Variants in CACNB2 observed in about 807,000 individuals in gnomAD.
CACNB2 encodes the protein voltage-dependent L-type calcium channel subunit beta-2.
In CACNB2, 42 loss-of-function variants were observed where a neutral mutation model predicts 73.3. The observed-to-expected ratio is 0.57, with a 90% CI of 0.45 to 0.74. CACNB2 has a LOEUF of 0.74. Among genes scored for constraint, CACNB2 ranks in the 30% least tolerant of loss-of-function variants. The pLI, the probability that CACNB2 is intolerant of heterozygous loss-of-function variation, is 0.00. For missense variants in CACNB2, 940 were observed against 853.0 expected, an observed-to-expected ratio of 1.10 and a Z score of -1.27; for synonymous variants, 348 against 310.3, an observed-to-expected ratio of 1.12 and a Z score of -1.28.
At chr10:18,510,438 G>T (rs1407249000) in intron 6 of CACNB2, among the ~76,000 whole-genome samples, 1 of 152,094 alleles carries the variant, frequency 6.6e-6, no homozygotes, top group African/African-American at 2.4e-5. Flanking sequence ...AAGTAGCTGG[G>T]ATTACAGGCA....
chr10:18,321,900 C>T (rs924073114), intron 2 of CACNB2, among the ~76,000 whole-genome samples: 1 of 152,114 alleles, frequency 6.6e-6, no homozygotes, highest in Non-Finnish European at 1.5e-5. Flanking sequence ...CACCTATAAT[C>T]CCAGCATTTT....
At chr10:18,337,161 C>A (rs544199952) in intron 2 of CACNB2, among the ~76,000 whole-genome samples, 3 of 152,118 alleles carry the variant, frequency 2.0e-5, no homozygotes, top group Non-Finnish European at 2.9e-5. Flanking sequence ...CAGGGTCTCA[C>A]TCTTGTTGCC....
chr10:18,307,844 C>G (rs1293104989), intron 2 of CACNB2, among the ~76,000 whole-genome samples: 1 of 151,934 alleles, frequency 6.6e-6, no homozygotes, highest in Admixed American at 6.6e-5. Flanking sequence ...ATAATTAATT[C>G]AAACATTTGC....
intron 2 of CACNB2, among the ~76,000 whole-genome samples, chr10:18,397,838 A>G (rs2043794723): frequency 6.6e-6 from 1 of 152,236 alleles, no homozygotes; most frequent in Non-Finnish European, 1.5e-5. Context: ...TGAGAGCTCT[A>G]AGGATAAAAG....
chr10:18,391,504 C>G (rs1393554956), intron 2 of CACNB2, among the ~76,000 whole-genome samples: 1 of 152,096 alleles, frequency 6.6e-6, no homozygotes, highest in African/African-American at 2.4e-5. Flanking sequence ...ATGCCTGGCA[C>G]TATTCCAGGC....
chr10:18,527,266 C>G (rs2052565799), intron 9 of CACNB2, among the ~76,000 whole-genome samples: 1 of 152,100 alleles, frequency 6.6e-6, no homozygotes, highest in Non-Finnish European at 1.5e-5. Context: ...GTCCCAGCTA[C>G]TCCAGAGGCT....
chr10:18,144,629 C>T (rs2030776073), intron 1 of CACNB2, among the ~76,000 whole-genome samples: 1 of 152,124 alleles, frequency 6.6e-6, no homozygotes, highest in South Asian at 2.1e-4. Context: ...TGTGGCTGGT[C>T]TGAACTGATA....
chr10:18,196,378 C>T (rs890445752), intron 2 of CACNB2, among the ~76,000 whole-genome samples: 1 of 151,296 alleles, frequency 6.6e-6, no homozygotes, highest in African/African-American at 2.4e-5. Flanking sequence ...TTGCAGCAGC[C>T]TGGTCATGGC....
chr10:18,227,616 G>A (rs2036045643), intron 2 of CACNB2, among the ~76,000 whole-genome samples: 1 of 152,164 alleles, frequency 6.6e-6, no homozygotes, highest in Non-Finnish European at 1.5e-5. Flanking sequence ...ACAACAGAAA[G>A]GTGGTCTTGG....
At chr10:18,168,289 GA>G (rs2032999760) in intron 2 of CACNB2, among the ~76,000 whole-genome samples, 1 of 152,058 alleles carries the variant, frequency 6.6e-6, no homozygotes, top group South Asian at 2.1e-4. Flanking sequence ...ATAACTAAAA[GA>G]AAGCAAGCTT....
intron 2 of CACNB2, among the ~76,000 whole-genome samples, chr10:18,399,887 T>C (rs2132518186): frequency 6.6e-6 from 1 of 152,324 alleles, no homozygotes; most frequent in South Asian, 2.1e-4. Flanking sequence ...TTAGTGTCTT[T>C]CCTTCTTCAG....
intron 3 of CACNB2, among the ~76,000 whole-genome samples, chr10:18,488,875 A>T (rs534335802): frequency 1.3e-4 from 19 of 150,670 alleles, no homozygotes; most frequent in African/African-American, 4.7e-4. Context: ...CTGGGAGAAC[A>T]TATAAAAAAA....
chr10:18,238,110 C>T (rs1757235), intron 2 of CACNB2, among the ~76,000 whole-genome samples: 1 of 151,910 alleles, frequency 6.6e-6, no homozygotes. Context: ...TATGAAGGCT[C>T]TTTTCTGAAA....
chr10:18,182,308 G>C (rs1166681414), intron 2 of CACNB2, among the ~76,000 whole-genome samples: 2 of 151,414 alleles, frequency 1.3e-5, no homozygotes, highest in African/African-American at 4.9e-5. Context: ...CTGGGCAACA[G>C]AGCAAGACTC....
Position 18,498,457 on chromosome 10 carries a change from G to C in CACNB2, c.436G>C (p.Asp146His), listed in dbSNP as rs936451598. 1.2e-6 allele frequency: 2 copies of C among 1,614,102 alleles called. No individual in the cohort carries two copies. The change falls in exon 4 of 14, where the codon GAT becomes CAT. Residue 146 changes from aspartate (D) to histidine (H), a missense_variant. Physicochemically the swap from Asp to His is moderately conservative, Grantham distance 81. Coordinates refer to ENST00000324631, the MANE Select transcript of CACNB2 (RefSeq NM_201596.3). ...CATGGCCATCTCATTCGAAGCAAAAGATTTTCTGCATGTTAAGGAAGTAAG... is the reference window on the plus strand; with the variant it reads ...CATGGCCATCTCATTCGAAGCAAAACATTTTCTGCATGTTAAGGAAGTAAG... Reference protein sequence around the residue: ...PGMAISFEAKDFLHVKEKFNN... With the variant: ...PGMAISFEAKHFLHVKEKFNN...
At chr10:18,398,676 CACACACACACACACAT>C (rs761448455) in intron 2 of CACNB2, among the ~76,000 whole-genome samples, 3,350 of 130,308 alleles carry the variant, frequency 0.026, 43 homozygotes, top group African/African-American at 0.032. Context: ...GTCACACACA[CACACACACACACACAT>C]ACACACACAC....
At chr10:18,403,853 G>A (rs1399216941) in intron 3 of CACNB2, among the ~76,000 whole-genome samples, 4 of 151,312 alleles carry the variant, frequency 2.6e-5, no homozygotes, top group African/African-American at 9.7e-5. Context: ...GGGTGAGATG[G>A]GAATGGTTAA....
chr10:18,155,554 G>A (rs748321526), intron 2 of CACNB2, among the ~76,000 whole-genome samples: 3 of 152,150 alleles, frequency 2.0e-5, no homozygotes, highest in Non-Finnish European at 4.4e-5. Flanking sequence ...ACATATGTAT[G>A]CATTTTTGTT....
chr10:18,480,021 C>T (rs370308171), intron 3 of CACNB2, among the ~76,000 whole-genome samples: 4 of 152,114 alleles, frequency 2.6e-5, no homozygotes, highest in African/African-American at 9.7e-5. Flanking sequence ...GGGCTGTTTG[C>T]TAAAACTAAT....
Sources: allele counts gnomAD v4.1 joint callset (sites outside exome capture counted in the v4.1 genomes callset), GRCh38; gene constraint gnomAD v4.1.1; transcripts MANE v1.5; gene names NCBI Gene and HGNC (gene_info 2026-07-23, HGNC 2026-07-21).